The following PCDH15 variants were observed in gnomAD, a reference collection of about 807,000 sequenced individuals.
PCDH15 encodes protocadherin related 15.
A neutral mutation model predicts 178.5 loss-of-function variants in PCDH15; 129 were observed. That is an observed-to-expected ratio of 0.72 (90% CI 0.63 to 0.84). The LOEUF is 0.84. Ranked by LOEUF, PCDH15 falls within the 40% of genes least tolerant of loss-of-function variation. The pLI is 0.00. For synonymous variants in PCDH15, 800 were observed against 732.0 expected, an observed-to-expected ratio of 1.09 and a Z score of -1.50; for missense variants, 2,230 against 2,099.9, an observed-to-expected ratio of 1.06 and a Z score of -1.21.
At chr10:54,737,859 C>G (rs1023607214) in intron 1 of PCDH15, among the ~76,000 whole-genome samples, 1 of 151,996 alleles carries the variant, frequency 6.6e-6, no homozygotes, top group African/African-American at 2.4e-5. Context: ...AGTTTAAATC[C>G]TAATGTGGAG....
chr10:54,753,634 T>C (rs1399976256), intron 1 of PCDH15, among the ~76,000 whole-genome samples: 1 of 152,228 alleles, frequency 6.6e-6, no homozygotes, highest in Non-Finnish European at 1.5e-5. Context: ...CTTCCCACTA[T>C]ATTGTTGTAA....
intron 1 of PCDH15, among the ~76,000 whole-genome samples, chr10:54,797,548 ACACG>A (rs1485192522): frequency 7.0e-6 from 1 of 143,006 alleles, no homozygotes; most frequent in Non-Finnish European, 1.5e-5. Flanking sequence ...ACACACACAC[ACACG>A]ATCATCTTAG....
At chr10:54,619,949 G>T (rs1301022843) in intron 2 of PCDH15, among the ~76,000 whole-genome samples, 1 of 151,952 alleles carries the variant, frequency 6.6e-6, no homozygotes, top group Non-Finnish European at 1.5e-5. Context: ...GGCTGAAAGG[G>T]TAAGAATGGT....
intron 2 of PCDH15, among the ~76,000 whole-genome samples, chr10:55,380,664 C>T (rs1588971143): frequency 6.6e-6 from 1 of 152,278 alleles, no homozygotes; most frequent in African/African-American, 2.4e-5. Flanking sequence ...CCTCAATCCA[C>T]CTCTGCATTG....
chr10:54,263,046 ACTGCATTTTCTTTGTCT>A (rs2057436497), intron 8 of PCDH15, among the ~76,000 whole-genome samples: 1 of 151,300 alleles, frequency 6.6e-6, no homozygotes, highest in African/African-American at 2.5e-5. Context: ...CCCTTGAAAT[ACTGCATTTTCTTTGTCT>A]CTACACTTGA....
chr10:53,981,363 A>C (rs2090622216), intron 21 of PCDH15, among the ~76,000 whole-genome samples: 3 of 152,202 alleles, frequency 2.0e-5, no homozygotes, highest in Admixed American at 2.0e-4. Flanking sequence ...AGGATGTTTC[A>C]AACTTGAAAA....
chr10:54,541,906 T>C (rs1191823000), intron 2 of PCDH15, among the ~76,000 whole-genome samples: 1 of 152,174 alleles, frequency 6.6e-6, no homozygotes, highest in Non-Finnish European at 1.5e-5. Context: ...ACAGAGAGAT[T>C]CTTAATAAGT....
At chr10:54,137,136 C>T (rs2042976059) in intron 14 of PCDH15, among the ~76,000 whole-genome samples, 1 of 152,140 alleles carries the variant, frequency 6.6e-6, no homozygotes. Context: ...AGTATTTCAA[C>T]AGCATCATTT....
intron 1 of PCDH15, among the ~76,000 whole-genome samples, chr10:54,761,264 T>C (rs1437380008): frequency 6.6e-6 from 1 of 152,130 alleles, no homozygotes; most frequent in Non-Finnish European, 1.5e-5. Context: ...CTGATACTAA[T>C]TTTGTGTAGT....
chr10:54,516,962 G>T (rs541128541), intron 3 of PCDH15, among the ~76,000 whole-genome samples: 4 of 152,056 alleles, frequency 2.6e-5, no homozygotes, highest in Admixed American at 6.5e-5. Context: ...GCCAAACTAA[G>T]CTTCATAAGT....
intron 14 of PCDH15, among the ~76,000 whole-genome samples, chr10:54,147,400 C>A (rs1018315792): frequency 6.6e-6 from 1 of 151,584 alleles, no homozygotes; most frequent in South Asian, 2.1e-4. Context: ...TGTTTTCTGG[C>A]GTGGAATACA....
intron 10 of PCDH15, among the ~76,000 whole-genome samples, chr10:54,208,063 T>C (rs2051007190): frequency 6.6e-6 from 1 of 151,992 alleles, no homozygotes; most frequent in African/African-American, 2.4e-5. Flanking sequence ...ATGCTTTGTG[T>C]GGCAATCTGC....
chr10:55,048,475 A>G (rs185014993), intron 2 of PCDH15, among the ~76,000 whole-genome samples: 217 of 152,090 alleles, frequency 1.4e-3, no homozygotes, highest in Admixed American at 5.2e-3. Flanking sequence ...AACACTTTAT[A>G]GAAAATGTTA....
intron 3 of PCDH15, among the ~76,000 whole-genome samples, chr10:54,470,399 A>G (rs879287152): frequency 6.6e-6 from 1 of 152,106 alleles, no homozygotes; most frequent in Non-Finnish European, 1.5e-5. Flanking sequence ...GCCTGGCTGC[A>G]GGTGGGGGAG....
At chr10:54,860,246 C>G (rs952349923) in intron 3 of PCDH15, among the ~76,000 whole-genome samples, 3 of 151,902 alleles carry the variant, frequency 2.0e-5, no homozygotes. Flanking sequence ...ATTCTATCAC[C>G]CAGGTAGTGA....
intron 10 of PCDH15, among the ~76,000 whole-genome samples, chr10:54,207,667 C>T (rs16905766): frequency 0.011 from 1,641 of 152,050 alleles, 35 homozygotes; most frequent in African/African-American, 0.038. Context: ...TGGTGTACAA[C>T]GTCACACTGT....
intron 1 of PCDH15, among the ~76,000 whole-genome samples, chr10:54,795,845 G>T (rs760036202): frequency 4.6e-5 from 7 of 151,820 alleles, no homozygotes; most frequent in Non-Finnish European, 8.8e-5. Context: ...TTGCTTTCAA[G>T]AATTATACCT....
chr10:54,902,619 C>T (rs993023509), intron 2 of PCDH15, among the ~76,000 whole-genome samples: 27 of 152,122 alleles, frequency 1.8e-4, no homozygotes, highest in East Asian at 7.7e-4. Flanking sequence ...TACCCAGTTT[C>T]GGGTAGTTCT....
rs149918801 is a variant in PCDH15, at chr10:54,700,258, C to T, written c.-28-35968G>A. 1.9e-4 allele frequency among the ~76,000 whole-genome samples: 29 copies of T among 152,236 alleles called. No individual in the cohort carries two copies. In the East Asian group the frequency reaches 5.6e-3, roughly 29 times the overall value. On this transcript the variant is annotated intron_variant, in intron 1 of 37. Coordinates refer to ENST00000644397, the MANE Select transcript of PCDH15 (RefSeq NM_001384140.1). ...CCAAGATTGAAGGAACATCTGCCCA[C>T]ACAGATTAGAATGTACCAGCATGAG...
Sources: gnomAD v4.1 joint callset for allele counts (sites outside exome capture counted in the v4.1 genomes callset) on GRCh38, gnomAD v4.1.1 for gene constraint, MANE v1.5 for transcripts, NCBI Gene and HGNC (gene_info 2026-07-23, HGNC 2026-07-21) for gene names.